The following VPS13B variants were observed in gnomAD, a reference collection of about 807,000 sequenced individuals.
VPS13B encodes vacuolar protein sorting 13 homolog B, also known as intermembrane lipid transfer protein VPS13B.
In VPS13B, 285 loss-of-function variants were observed where a neutral mutation model predicts 426.4. The ratio of observed to expected loss-of-function variants is 0.67; its 90% CI spans 0.61 to 0.74. VPS13B has a LOEUF of 0.74. Among genes scored for constraint, VPS13B ranks in the 30% least tolerant of loss-of-function variants. The probability of loss-of-function intolerance (pLI) is 0.00; values close to 1 mark genes in which losing one functional copy is unlikely to be tolerated. For missense variants in VPS13B, 4,537 were observed against 4,782.6 expected (o/e 0.95, Z 1.51); for synonymous variants, 1,676 against 1,676.4 (o/e 1.00, Z 0.01).
At chr8:99,413,187 C>A (rs1294555814) in intron 21 of VPS13B, among the ~76,000 whole-genome samples, 1 of 151,114 alleles carries the variant, frequency 6.6e-6, no homozygotes, top group Non-Finnish European at 1.5e-5. Context: ...CCATAGGGTC[C>A]TGGGTTTTTT....
chr8:99,174,137 G>A (rs1200187610), intron 16 of VPS13B, among the ~76,000 whole-genome samples: 1 of 152,148 alleles, frequency 6.6e-6, no homozygotes, highest in Non-Finnish European at 1.5e-5. Context: ...GTTGCAGCAT[G>A]TAGCAGAATT....
At chr8:99,803,107 C>G (rs1177938631) in intron 43 of VPS13B, among the ~76,000 whole-genome samples, 4 of 152,166 alleles carry the variant, frequency 2.6e-5, no homozygotes, top group Non-Finnish European at 4.4e-5. Flanking sequence ...TAGATACATT[C>G]TTTACACACA....
chr8:99,119,476 T>C (rs1847834110), intron 7 of VPS13B: 1 of 152,324 alleles, frequency 6.6e-6, no homozygotes, highest in Non-Finnish European at 1.5e-5. Flanking sequence ...TAGGCTGTTC[T>C]TGAACTCCTG....
intron 17 of VPS13B, among the ~76,000 whole-genome samples, chr8:99,269,020 C>T (rs2132976034): frequency 6.6e-6 from 1 of 152,252 alleles, no homozygotes; most frequent in East Asian, 1.9e-4. Flanking sequence ...GCACTTCTCT[C>T]TCCTGCCACC....
At chr8:99,630,992 TG>T (rs768818904) in intron 33 of VPS13B, among the ~76,000 whole-genome samples, 2 of 152,020 alleles carry the variant, frequency 1.3e-5, no homozygotes, top group African/African-American at 2.4e-5. Flanking sequence ...AAGAAAAAAA[TG>T]TAAAATGGAT....
At chr8:99,838,658 G>A (rs1316076187) in intron 54 of VPS13B, among the ~76,000 whole-genome samples, 1 of 152,194 alleles carries the variant, frequency 6.6e-6, no homozygotes, top group Non-Finnish European at 1.5e-5. Context: ...CTGTGGAGGA[G>A]ATAGATAATA....
rs528134335 is a variant in VPS13B, at chr8:99,835,745, G to C, written c.9942+7G>C. On this transcript the variant is annotated splice_region_variant and intron_variant, in intron 54 of 61. Transcript: ENST00000357162. ...CAACAGTCAGGGAACACAGGTCAGT[G>C]AGCCATGTGTTCCTGCCAAGACCCA... The C allele has an allele frequency of 6.2e-7, 1 of 1,613,932 alleles. No homozygotes were observed. Among genetic ancestry groups the C allele is most frequent in the African/African-American group, 1.3e-5 (1 of 75,036 alleles).
At chr8:99,650,114 T>G (rs1195133700) in intron 34 of VPS13B, among the ~76,000 whole-genome samples, 4 of 152,196 alleles carry the variant, frequency 2.6e-5, no homozygotes, top group African/African-American at 9.7e-5. Flanking sequence ...TGTTTTCTAG[T>G]CCATTAGCCA....
intron 17 of VPS13B, among the ~76,000 whole-genome samples, chr8:99,201,946 G>T (rs912401522): frequency 6.6e-6 from 1 of 152,116 alleles, no homozygotes; most frequent in African/African-American, 2.4e-5. Flanking sequence ...ATAAAATAAT[G>T]AAAATATGTT....
At chr8:99,393,780 C>T (rs1814580819) in intron 21 of VPS13B, among the ~76,000 whole-genome samples, 1 of 152,070 alleles carries the variant, frequency 6.6e-6, no homozygotes, top group South Asian at 2.1e-4. Context: ...CTCTGGGGAA[C>T]TTGGCAGTGG....
chr8:99,402,951 A>T (rs1815121284), intron 21 of VPS13B, among the ~76,000 whole-genome samples: 1 of 152,256 alleles, frequency 6.6e-6, no homozygotes, highest in African/African-American at 2.4e-5. Context: ...TTTCTTTACT[A>T]GCGAATAAAC....
Position 99,544,229 on chromosome 8 carries a change from C to T in VPS13B, c.4746-12221C>T, listed in dbSNP as rs189029586. The stretch of plus-strand genomic sequence containing the variant: ...ATCGCAAGAACAAAAAACCAAACAC[C>T]GCATGTTCTCACTCATAGGTGGGAA... On this transcript the variant is annotated intron_variant, in intron 30 of 61. Coordinates refer to ENST00000357162, the MANE Select transcript of VPS13B (RefSeq NM_152564.5). Among the ~76,000 whole-genome samples, 54 of 152,112 alleles carry T rather than the reference C, an allele frequency of 3.6e-4. 1 individual carries two copies. Among genetic ancestry groups the T allele is most frequent in the Admixed American group, 3.3e-3 (51 of 15,272 alleles).
intron 35 of VPS13B, among the ~76,000 whole-genome samples, chr8:99,665,998 G>A (rs949375748): frequency 6.6e-6 from 1 of 152,044 alleles, no homozygotes; most frequent in Non-Finnish European, 1.5e-5. Flanking sequence ...ATTTCATTGA[G>A]CAGTGGTTTG....
chr8:99,313,678 A>G (rs1821141258), intron 19 of VPS13B, among the ~76,000 whole-genome samples: 1 of 152,150 alleles, frequency 6.6e-6, no homozygotes, highest in South Asian at 2.1e-4. Flanking sequence ...TGGGAGAACC[A>G]CTACTCACTT....
intron 40 of VPS13B, 128 bp from the exon 41 acceptor site, chr8:99,776,647 G>A: frequency 1.1e-6 from 1 of 914,760 alleles, no homozygotes; most frequent in South Asian, 1.5e-5. Context: ...AAATACAGAA[G>A]ATTTGATAAA....
intron 29 of VPS13B, among the ~76,000 whole-genome samples, chr8:99,514,252 T>C (rs143151551): frequency 6.6e-6 from 1 of 152,314 alleles, no homozygotes; most frequent in Admixed American, 6.5e-5. Flanking sequence ...ATAGTTTTCA[T>C]TGTTAATTTG....
intron 35 of VPS13B, among the ~76,000 whole-genome samples, chr8:99,664,894 C>T (rs1460415751): frequency 6.6e-6 from 1 of 152,206 alleles, no homozygotes; most frequent in Non-Finnish European, 1.5e-5. Context: ...AATCGCCACA[C>T]TGACTTCCAC....
At chr8:99,438,374 G>A (rs1260942829) in intron 22 of VPS13B, among the ~76,000 whole-genome samples, 2 of 152,004 alleles carry the variant, frequency 1.3e-5, no homozygotes, top group African/African-American at 4.8e-5. Flanking sequence ...GATTAAATGG[G>A]AGTAGACATT....
At chr8:99,555,814 A>G (rs1167721914) in intron 30 of VPS13B, among the ~76,000 whole-genome samples, 1 of 152,174 alleles carries the variant, frequency 6.6e-6, no homozygotes, top group African/African-American at 2.4e-5. Flanking sequence ...CCAACTCTAT[A>G]TAGGGCAGTA....
Sources: gnomAD v4.1 joint callset for allele counts (sites outside exome capture counted in the v4.1 genomes callset) on GRCh38, gnomAD v4.1.1 for gene constraint, MANE v1.5 for transcripts, NCBI Gene and HGNC (gene_info 2026-07-23, HGNC 2026-07-21) for gene names.